GSE1: variants seen among roughly 807,000 people sequenced by gnomAD.
GSE1 encodes the protein genetic suppressor element 1.
GSE1 carries 32 observed loss-of-function variants against 112.6 expected under a neutral mutation model. That is an observed-to-expected ratio of 0.28 (90% CI 0.21 to 0.38). The LOEUF (loss-of-function observed/expected upper bound fraction) is 0.38, where lower values mean the gene tolerates loss of function less well. Among genes scored for constraint, GSE1 ranks in the 10% least tolerant of loss-of-function variants. GSE1 has a pLI of 1.00. For missense variants in GSE1, 2,348 were observed against 1,699.2 expected, an observed-to-expected ratio of 1.38 and a Z score of -6.71; for synonymous variants, 1,115 against 735.6, an observed-to-expected ratio of 1.52 and a Z score of -8.35.
At chr16:85,524,286 C>G (rs1266979789) in intron 2 of GSE1, among the ~76,000 whole-genome samples, 1 of 152,030 alleles carries the variant, frequency 6.6e-6, no homozygotes, top group Non-Finnish European at 1.5e-5. Flanking sequence ...TTGAGACCCC[C>G]AGGGCACCTC....
At chr16:85,587,695 C>G (rs574627982) in intron 1 of GSE1, among the ~76,000 whole-genome samples, 1 of 152,274 alleles carries the variant, frequency 6.6e-6, no homozygotes, top group African/African-American at 2.4e-5. Flanking sequence ...AGAACCCTCT[C>G]CTGCCCCAGC....
intron 2 of GSE1, among the ~76,000 whole-genome samples, chr16:85,536,321 G>T (rs764700402): frequency 1.3e-5 from 2 of 152,226 alleles, no homozygotes; most frequent in South Asian, 4.1e-4. Context: ...CCTTCTCTCA[G>T]TAAGTAACAG....
chr16:85,621,536 C>A (rs557886508), intron 1 of GSE1, among the ~76,000 whole-genome samples: 68 of 152,294 alleles, frequency 4.5e-4, no homozygotes, highest in African/African-American at 1.5e-3. Flanking sequence ...GGAAGTTAAT[C>A]CATCCTTAGC....
chr16:85,384,286 G>C (rs562799625), intron 2 of GSE1, among the ~76,000 whole-genome samples: 3 of 152,292 alleles, frequency 2.0e-5, no homozygotes, highest in African/African-American at 7.2e-5. Context: ...GTGCGGCCGG[G>C]TGGCGAGCGG....
In GSE1 at chr16:85,452,552, G is replaced by A. The variant is rs529206054; in HGVS notation, c.2464+94909G>A. On this transcript the variant is annotated intron_variant, in intron 2 of 2. Transcript: ENST00000637419. Reference sequence around the variant, plus strand: ...CCCAGAAGCCCCTGGTCTAAAGGACGCAGATTCTCCTGGAAGCCTGGGGTG... The same window carrying A: ...CCCAGAAGCCCCTGGTCTAAAGGACACAGATTCTCCTGGAAGCCTGGGGTG... 3.9e-5 allele frequency among the ~76,000 whole-genome samples: 6 copies of A among 152,366 alleles called. No individual in the cohort carries two copies. The East Asian group carries it at 9.6e-4, about 24-fold the overall frequency.
chr16:85,667,422 G>GGCAT (rs1020067784), intron 13 of GSE1, among the ~76,000 whole-genome samples: 38 of 152,350 alleles, frequency 2.5e-4, no homozygotes, highest in African/African-American at 8.9e-4. Context: ...CATGAGACAG[G>GGCAT]GCATGCCCTC....
At chr16:85,534,527 G>A (rs1241611424) in intron 2 of GSE1, among the ~76,000 whole-genome samples, 1 of 152,174 alleles carries the variant, frequency 6.6e-6, no homozygotes, top group Non-Finnish European at 1.5e-5. Context: ...CATCCTCAGA[G>A]TCCCTCCAGC....
At chr16:85,301,262 G>A (rs899865619) in intron 1 of GSE1, among the ~76,000 whole-genome samples, 5 of 152,258 alleles carry the variant, frequency 3.3e-5, no homozygotes, top group Non-Finnish European at 7.3e-5. Flanking sequence ...GGAAAGTGGT[G>A]CCCTTGGTGA....
chr16:85,338,909 CGT>C (rs2046562612), intron 1 of GSE1, among the ~76,000 whole-genome samples: 1 of 152,186 alleles, frequency 6.6e-6, no homozygotes, highest in African/African-American at 2.4e-5. Flanking sequence ...GGAATGAGCG[CGT>C]GTCTGCAGAG....
chr16:85,523,402 C>T (rs2052257270), intron 2 of GSE1, among the ~76,000 whole-genome samples: 4 of 152,234 alleles, frequency 2.6e-5, no homozygotes, highest in Admixed American at 2.6e-4. Context: ...TCTCCATCCT[C>T]CATGCTCAGG....
At chr16:85,553,316 G>A (rs2045025716), upstream of GSE1, among the ~76,000 whole-genome samples, 1 of 150,542 alleles carries the variant, frequency 6.6e-6, no homozygotes, top group South Asian at 2.1e-4. Flanking sequence ...GCCGCTGCCG[G>A]CGGGTGCAAG....
chr16:85,364,100 T>C (rs2047137227), intron 2 of GSE1, among the ~76,000 whole-genome samples: 1 of 152,240 alleles, frequency 6.6e-6, no homozygotes, highest in African/African-American at 2.4e-5. Context: ...AAAATCCCGA[T>C]GTGGGCAGGG....
At chr16:85,223,138 C>T (rs2075422483) in intron 1 of GSE1, among the ~76,000 whole-genome samples, 2 of 152,088 alleles carry the variant, frequency 1.3e-5, no homozygotes, top group Admixed American at 1.3e-4. Flanking sequence ...AGAAAAAAGT[C>T]TTCAAGCCTA....
intron 2 of GSE1, among the ~76,000 whole-genome samples, chr16:85,368,717 C>G (rs549970800): frequency 4.6e-5 from 7 of 152,220 alleles, no homozygotes; most frequent in Admixed American, 6.5e-5. Context: ...AAAAACTAAA[C>G]TAAACTAAAA....
At chr16:85,470,422 C>CTGGGT (rs2050254742) in intron 2 of GSE1, among the ~76,000 whole-genome samples, 1 of 152,070 alleles carries the variant, frequency 6.6e-6, no homozygotes, top group African/African-American at 2.4e-5. Context: ...GGACGCAGAG[C>CTGGGT]TGGGATCCGT....
At chr16:85,553,139 C>T (rs2045009032), upstream of GSE1, among the ~76,000 whole-genome samples, 1 of 151,786 alleles carries the variant, frequency 6.6e-6, no homozygotes, top group Admixed American at 6.6e-5. Context: ...TGGCCGCCCC[C>T]CGCCCCGCCC....
chr16:85,626,608 A>T (rs918313111), intron 1 of GSE1, among the ~76,000 whole-genome samples: 2 of 152,210 alleles, frequency 1.3e-5, no homozygotes, highest in Non-Finnish European at 2.9e-5. Context: ...TAATTACCCC[A>T]CGGGGGGCTG....
At chr16:85,170,575 C>G (rs1422633079) in exon 1 of GSE1, 4 of 985,640 alleles carry the variant, frequency 4.1e-6, no homozygotes, top group African/African-American at 3.5e-5. Context: ...GAACAGTGGC[C>G]GTGTCCCCCG....
rs763319382 is a variant in GSE1, at chr16:85,648,712, C to G, written c.387C>G (p.Thr129=). The G allele has an allele frequency of 1.7e-5, 28 of 1,608,204 alleles. No homozygotes were observed. The highest frequency in any genetic ancestry group is 2.3e-5 in the Non-Finnish European group (27 of 1,177,942). ...CCCCCGTGGTGACCATCGCTCCAACCAAAACCGTGAATGGTGTCTGGAGGA... is the reference window on the plus strand; with the variant it reads ...CCCCCGTGGTGACCATCGCTCCAACGAAAACCGTGAATGGTGTCTGGAGGA... ...STPPVVTIAP[T]KTVNGVWRSE... is the part of the protein sequence containing the mutation. The change falls in exon 3 of 16, where the codon ACC becomes ACG. Residue 129 remains threonine, a synonymous_variant. Coordinates refer to ENST00000253458, the MANE Select transcript of GSE1 (RefSeq NM_014615.5).
Sources: gnomAD v4.1 joint callset for allele counts (sites outside exome capture counted in the v4.1 genomes callset) on GRCh38, gnomAD v4.1.1 for gene constraint, MANE v1.5 for transcripts, NCBI Gene and HGNC (gene_info 2026-07-23, HGNC 2026-07-21) for gene names.